EIF4G3: variants seen among roughly 807,000 people sequenced by gnomAD.
The protein encoded by EIF4G3 is eIF-4-gamma 3.
EIF4G3 carries 34 observed loss-of-function variants against 186.4 expected under a neutral mutation model. The observed-to-expected ratio is 0.18, with a 90% CI of 0.14 to 0.24. EIF4G3 has a LOEUF of 0.24. Ranked by LOEUF, EIF4G3 falls within the 10% of genes least tolerant of loss-of-function variation. The probability of loss-of-function intolerance (pLI) is 1.00; values close to 1 mark genes in which losing one functional copy is unlikely to be tolerated. For synonymous variants in EIF4G3, 673 were observed against 679.5 expected (o/e 0.99, Z 0.15); for missense variants, 1,536 against 1,948.5 (o/e 0.79, Z 3.99).
chr1:21,101,757 T>C (rs1205057593), intron 2 of EIF4G3, among the ~76,000 whole-genome samples: 1 of 152,012 alleles, frequency 6.6e-6, no homozygotes, highest in Admixed American at 6.6e-5. Context: ...TATGTTATTA[T>C]TATATTTATT....
At chr1:21,056,968 A>C (rs937867948) in intron 3 of EIF4G3, among the ~76,000 whole-genome samples, 1 of 152,248 alleles carries the variant, frequency 6.6e-6, no homozygotes, top group Non-Finnish European at 1.5e-5. Context: ...TTTAAAAGAA[A>C]ATATGCCCGA....
At chr1:20,943,316 GATATA>G (rs1558358284) in intron 13 of EIF4G3, among the ~76,000 whole-genome samples, 1 of 152,186 alleles carries the variant, frequency 6.6e-6, no homozygotes, top group East Asian at 1.9e-4. Flanking sequence ...GAAATAGTTT[GATATA>G]ATATACAAAA....
chr1:20,898,005 CAT>C (rs1177832909), intron 16 of EIF4G3, among the ~76,000 whole-genome samples: 1 of 152,000 alleles, frequency 6.6e-6, no homozygotes, highest in Admixed American at 6.6e-5. Context: ...TCTTAAGACA[CAT>C]TGGTGATGGC....
rs188540992 is a variant in EIF4G3 at position 20,981,210 on chromosome 1, T to C, written c.216A>G (p.Gln72=). The C allele has an allele frequency of 3.7e-4, 597 of 1,600,898 alleles. 2 individuals are homozygous for C. The East Asian group carries it at 0.012, about 33-fold the overall frequency. The change falls in exon 9 of 37, where the codon CAA becomes CAG. Residue 72 remains glutamine, a synonymous_variant. Coordinates refer to ENST00000602326, the MANE Select transcript of EIF4G3 (RefSeq NM_001391906.1). ...GGATGGTAGCTCTAGGAGGCTGTAT[T>C]TGAGGCCTCTGGAAAAACTGGGAAG... The part of the protein sequence containing the change: ...FRPIQFFQRP[Q]IQPPRATIPN...
intron 7 of EIF4G3, among the ~76,000 whole-genome samples, chr1:20,994,470 T>C (rs2081845735): frequency 6.6e-6 from 1 of 152,042 alleles, no homozygotes; most frequent in Non-Finnish European, 1.5e-5. Context: ...AAAAAAAGGA[T>C]AACAAAGAAA....
intron 2 of EIF4G3, among the ~76,000 whole-genome samples, chr1:21,102,037 G>A (rs1001879751): frequency 1.3e-5 from 2 of 152,164 alleles, no homozygotes; most frequent in African/African-American, 4.8e-5. Context: ...ATGCACCAAA[G>A]CCCAATTAAG....
At chr1:21,008,630 C>A (rs901996985) in intron 4 of EIF4G3, among the ~76,000 whole-genome samples, 1 of 152,150 alleles carries the variant, frequency 6.6e-6, no homozygotes, top group Non-Finnish European at 1.5e-5. Context: ...TGAGCCACTG[C>A]GCCCTGGCTA....
chr1:21,088,821 C>T (rs1052515720), intron 3 of EIF4G3, among the ~76,000 whole-genome samples: 3 of 151,942 alleles, frequency 2.0e-5, no homozygotes, highest in African/African-American at 7.3e-5. Context: ...GCCAAGATCA[C>T]ACCACTGCAC....
At chr1:21,147,172 G>A (rs901780745) in intron 2 of EIF4G3, among the ~76,000 whole-genome samples, 1 of 151,566 alleles carries the variant, frequency 6.6e-6, no homozygotes, top group African/African-American at 2.4e-5. Flanking sequence ...TGAGGCAGAA[G>A]AATCTCTTGA....
intron 2 of EIF4G3, chr1:21,161,757 C>A (rs2097770408): frequency 6.6e-6 from 1 of 151,998 alleles, no homozygotes; most frequent in Non-Finnish European, 1.5e-5. Flanking sequence ...CACCTGAGGT[C>A]AGGAGTTCGA....
chr1:21,145,395 G>C (rs1008492453), intron 2 of EIF4G3, among the ~76,000 whole-genome samples: 1 of 150,604 alleles, frequency 6.6e-6, no homozygotes. Flanking sequence ...CAATGATCCG[G>C]ACCAACATAC....
At chr1:20,897,189 C>G (rs906240898) in intron 16 of EIF4G3, among the ~76,000 whole-genome samples, 4 of 152,074 alleles carry the variant, frequency 2.6e-5, no homozygotes, top group African/African-American at 9.7e-5. Flanking sequence ...CTTCTAAATA[C>G]CTTTGAGTAG....
chr1:20,965,046 G>T (rs866148673), intron 12 of EIF4G3, among the ~76,000 whole-genome samples: 1 of 152,132 alleles, frequency 6.6e-6, no homozygotes, highest in Non-Finnish European at 1.5e-5. Context: ...GGATTAGGAA[G>T]TAGTAAATTT....
At chr1:20,985,526 A>T (rs1268272930) in intron 7 of EIF4G3, among the ~76,000 whole-genome samples, 2 of 137,622 alleles carry the variant, frequency 1.5e-5, no homozygotes, top group Admixed American at 7.3e-5. Flanking sequence ...AAAAAAAAAA[A>T]AAAATATATA....
At chr1:20,927,142 C>T (rs983253775) in intron 14 of EIF4G3, among the ~76,000 whole-genome samples, 5 of 150,818 alleles carry the variant, frequency 3.3e-5, no homozygotes, top group African/African-American at 1.2e-4. Context: ...CTCCTGGGTT[C>T]AAGCAATTCT....
chr1:20,845,405 G>A (rs1428093517), intron 29 of EIF4G3, among the ~76,000 whole-genome samples: 1 of 152,206 alleles, frequency 6.6e-6, no homozygotes, highest in East Asian at 1.9e-4. Flanking sequence ...GCTCACGCCT[G>A]TAATCCCAGC....
chr1:21,029,343 C>G (rs1337020473), intron 4 of EIF4G3, among the ~76,000 whole-genome samples: 1 of 151,976 alleles, frequency 6.6e-6, no homozygotes, highest in Non-Finnish European at 1.5e-5. Flanking sequence ...TTTAATTAGA[C>G]TCCACGAACA....
intron 28 of EIF4G3, among the ~76,000 whole-genome samples, chr1:20,850,095 T>A (rs951306785): frequency 3.3e-5 from 5 of 152,182 alleles, no homozygotes; most frequent in African/African-American, 1.2e-4. Flanking sequence ...AAGTATTCTC[T>A]TAGAACTAAA....
At chr1:20,881,878 T>C (rs533533472) in intron 19 of EIF4G3, among the ~76,000 whole-genome samples, 74 of 150,918 alleles carry the variant, frequency 4.9e-4, no homozygotes, top group Middle Eastern at 7.2e-3. Context: ...AAGAATGAAA[T>C]GAGGCCGGGT....
Sources: allele counts gnomAD v4.1 joint callset (sites outside exome capture counted in the v4.1 genomes callset), GRCh38; gene constraint gnomAD v4.1.1; transcripts MANE v1.5; gene names NCBI Gene and HGNC (gene_info 2026-07-23, HGNC 2026-07-21).